CA10: variants seen among roughly 807,000 people sequenced by gnomAD.
CA10 encodes carbonic anhydrase 10 (inactive), also known as carbonic anhydrase-related protein 10.
CA10 carries 14 observed loss-of-function variants against 44.2 expected under a neutral mutation model. The ratio of observed to expected loss-of-function variants is 0.32; its 90% CI spans 0.21 to 0.50. The LOEUF is 0.50. CA10 is among the 20% of genes least tolerant of loss of function. The pLI, the probability that CA10 is intolerant of heterozygous loss-of-function variation, is 0.99. For synonymous variants in CA10, 159 were observed against 141.6 expected (o/e 1.12, Z -0.87); for missense variants, 350 against 409.7 (o/e 0.85, Z 1.26).
chr17:51,923,818 A>G lies in CA10; in HGVS notation c.279+7172T>C, dbSNP rs1982322070. 2.0e-5 allele frequency among the ~76,000 whole-genome samples: 3 copies of G among 152,100 alleles called. No individual in the cohort carries two copies. In the South Asian group the frequency reaches 6.2e-4, roughly 32 times the overall value. On this transcript the variant is annotated intron_variant, in intron 3 of 8. Coordinates refer to ENST00000451037, the MANE Select transcript of CA10 (RefSeq NM_020178.5). ...TTCTTTTCCCCATGGGCCTTCTCAC[A>G]TTCCCCCCACCTTGGATCGTAGCAA... is the stretch of plus-strand genomic sequence containing the variant.
chr17:51,747,812 CACT>C lies in CA10; in HGVS notation c.283_285del (p.Ser95del). On this transcript the variant is annotated inframe_deletion, in exon 4 of 9. Coordinates refer to ENST00000451037, the MANE Select transcript of CA10 (RefSeq NM_020178.5). ...TGTCTTCCAGTGTTGTACATGGTCC[CACT>C]GACCTGCAAGGCAATTAGCAACAGG... is the stretch of plus-strand genomic sequence containing the variant. 6.2e-7 allele frequency: 1 copy of C among 1,608,714 alleles called. No homozygotes were observed. Among genetic ancestry groups the C allele is most frequent in the Non-Finnish European group, 8.5e-7 (1 of 1,177,518 alleles).
At chr17:51,896,986 A>T (rs1319088970) in intron 3 of CA10, among the ~76,000 whole-genome samples, 10 of 152,110 alleles carry the variant, frequency 6.6e-5, no homozygotes, top group Non-Finnish European at 1.5e-4. Context: ...TGTCAGATGC[A>T]TAGTTTGCAA....
chr17:51,730,124 C>T (rs533236505), intron 4 of CA10, among the ~76,000 whole-genome samples: 1 of 152,300 alleles, frequency 6.6e-6, no homozygotes. Context: ...CTTCTCCTAG[C>T]ACAACATCAG....
chr17:52,034,542 G>C (rs913709077), intron 2 of CA10, among the ~76,000 whole-genome samples: 6 of 152,128 alleles, frequency 3.9e-5, no homozygotes, highest in Admixed American at 3.9e-4. Context: ...TTTTAGATCT[G>C]ATAGAGCTGG....
intron 4 of CA10, among the ~76,000 whole-genome samples, chr17:51,738,703 G>A (rs540950852): frequency 1.3e-5 from 2 of 152,104 alleles, no homozygotes; most frequent in African/African-American, 4.8e-5. Flanking sequence ...CTGTTTTGAG[G>A]CTGACTCTAT....
At chr17:51,750,626 C>T (rs1255103106) in intron 3 of CA10, among the ~76,000 whole-genome samples, 1 of 152,204 alleles carries the variant, frequency 6.6e-6, no homozygotes, top group Admixed American at 6.5e-5. Flanking sequence ...ACAGCATTTA[C>T]TATGTATTGC....
intron 4 of CA10, among the ~76,000 whole-genome samples, chr17:51,736,159 C>A (rs529172137): frequency 3.2e-4 from 48 of 152,242 alleles, no homozygotes; most frequent in African/African-American, 1.1e-3. Context: ...AATTGGGGCA[C>A]AAGGAGGTTG....
intron 2 of CA10, among the ~76,000 whole-genome samples, chr17:52,062,562 C>T (rs1265887355): frequency 6.6e-5 from 10 of 152,192 alleles, no homozygotes; most frequent in South Asian, 2.1e-4. Flanking sequence ...GGAACAGGCC[C>T]GAGTTACCCC....
intron 2 of CA10, among the ~76,000 whole-genome samples, chr17:52,051,938 C>T (rs1293173810): frequency 6.6e-6 from 1 of 152,020 alleles, no homozygotes; most frequent in Non-Finnish European, 1.5e-5. Context: ...CCATGGAATA[C>T]TAGGCGGCCA....
chr17:51,776,517 AATT>A (rs1238776165), intron 3 of CA10, among the ~76,000 whole-genome samples: 6 of 152,218 alleles, frequency 3.9e-5, no homozygotes, highest in Admixed American at 3.9e-4. Flanking sequence ...TCAAAATAAA[AATT>A]ATTAATATTT....
chr17:51,997,268 C>T (rs1245741304), intron 2 of CA10, among the ~76,000 whole-genome samples: 1 of 152,054 alleles, frequency 6.6e-6, no homozygotes, highest in African/African-American at 2.4e-5. Context: ...TGTTCATAAG[C>T]TTTGTAATGA....
intron 2 of CA10, among the ~76,000 whole-genome samples, chr17:52,047,607 A>G (rs1042192169): frequency 6.6e-6 from 1 of 152,030 alleles, no homozygotes; most frequent in Non-Finnish European, 1.5e-5. Flanking sequence ...ATTATTTTTA[A>G]AAATAGAAAA....
Position 51,831,667 on chromosome 17 carries a change from AAGCAGCAGCAGCAGCAGCAGC to A in CA10, c.280-83870_280-83850del, listed in dbSNP as rs66635963. Among the ~76,000 whole-genome samples the A allele has an allele frequency of 3.7e-3, 470 of 127,492 alleles. 3 individuals are homozygous for A. The Middle Eastern group carries it at 0.061, about 17-fold the overall frequency. 83.6% of individuals were successfully genotyped at this position (127,492 alleles called of 152,430 possible). On this transcript the variant is annotated intron_variant, in intron 3 of 8. Transcript: ENST00000451037. ...TGGATTGTTCCAAGGAGAAAAGAAA[AAGCAGCAGCAGCAGCAGCAGC>A]AGCAGCAGCAGCAGCAGCAGCAGCA...
intron 3 of CA10, among the ~76,000 whole-genome samples, chr17:51,882,589 T>C (rs1250595526): frequency 2.0e-5 from 3 of 152,182 alleles, no homozygotes; most frequent in African/African-American, 7.2e-5. Context: ...CACTTGACTG[T>C]GATAATGCCG....
At chr17:51,916,898 C>G (rs203065) in intron 3 of CA10, among the ~76,000 whole-genome samples, 2 of 151,948 alleles carry the variant, frequency 1.3e-5, no homozygotes, top group African/African-American at 4.8e-5. Context: ...CCATGGCCAC[C>G]GGAGTCCTTT....
intron 3 of CA10, among the ~76,000 whole-genome samples, chr17:51,886,649 A>G (rs1980613935): frequency 6.6e-6 from 1 of 152,192 alleles, no homozygotes; most frequent in Admixed American, 6.5e-5. Flanking sequence ...TAACAGGTAA[A>G]ACATTATTTT....
chr17:52,022,129 A>G (rs1254175095), intron 2 of CA10, among the ~76,000 whole-genome samples: 1 of 152,046 alleles, frequency 6.6e-6, no homozygotes, highest in African/African-American at 2.4e-5. Flanking sequence ...GCTCAACATT[A>G]AAGCCCAGCA....
intron 1 of CA10, among the ~76,000 whole-genome samples, chr17:52,086,939 G>A (rs919168078): frequency 6.6e-6 from 1 of 152,098 alleles, no homozygotes; most frequent in Non-Finnish European, 1.5e-5. Flanking sequence ...TCCACATATT[G>A]ACCCATATTT....
chr17:52,155,272 A>T (rs1362481079), intron 1 of CA10, among the ~76,000 whole-genome samples: 1 of 152,274 alleles, frequency 6.6e-6, no homozygotes, highest in South Asian at 2.1e-4. Context: ...TTTGTTTTTA[A>T]TATTTTTAAT....
Sources: allele counts gnomAD v4.1 joint callset (sites outside exome capture counted in the v4.1 genomes callset), GRCh38; gene constraint gnomAD v4.1.1; transcripts MANE v1.5; gene names NCBI Gene and HGNC (gene_info 2026-07-23, HGNC 2026-07-21).